Variants in SPTB observed in about 807,000 individuals in gnomAD.
SPTB encodes spectrin beta, erythrocytic.
A neutral mutation model predicts 256.2 loss-of-function variants in SPTB; 45 were observed. The ratio of observed to expected loss-of-function variants is 0.18; its 90% CI spans 0.14 to 0.23. SPTB has a LOEUF of 0.23. SPTB is among the 10% of genes least tolerant of loss of function. The pLI, the probability that SPTB is intolerant of heterozygous loss-of-function variation, is 1.00. For missense variants in SPTB, 2,715 were observed against 3,040.4 expected, an observed-to-expected ratio of 0.89 and a Z score of 2.52; for synonymous variants, 1,231 against 1,243.1, an observed-to-expected ratio of 0.99 and a Z score of 0.21.
chr14:64,763,037 T>C (rs2139459211), intron 32 of SPTB, among the ~76,000 whole-genome samples: 1 of 152,348 alleles, frequency 6.6e-6, no homozygotes, highest in African/African-American at 2.4e-5. Context: ...GACAGGAAGA[T>C]GCGCAGGGCT....
At chr14:64,869,271 G>C (rs770068678) in intron 1 of SPTB, among the ~76,000 whole-genome samples, 43 of 152,110 alleles carry the variant, frequency 2.8e-4, no homozygotes, top group Admixed American at 7.2e-4. Context: ...AATAAATGTT[G>C]ACTTACTGTT....
chr14:64,802,200 G>A lies in SPTB; in HGVS notation c.566+26C>T. ...GGAGCAAGGGGCTGGTGGTGGATGT[G>A]CTAACAGCTGGTTCCCAGGGCATAC... On this transcript the variant is annotated intron_variant, in intron 5 of 35. Coordinates refer to ENST00000644917, the MANE Select transcript of SPTB (RefSeq NM_001355436.2). This position sits in a 1 kb window ranked among gnomAD's most constrained non-coding sequence, Gnocchi z 5.1. The A allele has an allele frequency of 6.2e-7, 1 of 1,609,056 alleles. No homozygotes were observed. Among genetic ancestry groups the A allele is most frequent in the African/African-American group, 1.3e-5 (1 of 74,988 alleles).
At chr14:64,832,884 A>G (rs2083469225) in intron 1 of SPTB, among the ~76,000 whole-genome samples, 1 of 152,116 alleles carries the variant, frequency 6.6e-6, no homozygotes, top group African/African-American at 2.4e-5. Context: ...CTTTGTATCT[A>G]TATTTGCTCT....
Position 64,825,954 on chromosome 14 carries a change from T to C in SPTB, c.-51-2809A>G, listed in dbSNP as rs1400653121. On this transcript the variant is annotated intron_variant, in intron 1 of 35. Transcript: ENST00000644917. This position sits in a 1 kb window ranked among gnomAD's most constrained non-coding sequence, Gnocchi z 4.8. Reference sequence around the variant, plus strand: ...AGGAATGGGAAGAGATGTATATGTGTGTCTAAATATACAGCTGGAGGGTTT... The same window carrying C: ...AGGAATGGGAAGAGATGTATATGTGCGTCTAAATATACAGCTGGAGGGTTT... 6.6e-6 allele frequency among the ~76,000 whole-genome samples: 1 copy of C among 152,258 alleles called. No homozygotes were observed. Among genetic ancestry groups the C allele is most frequent in the African/African-American group, 2.4e-5 (1 of 41,466 alleles).
rs186159576 is a variant in SPTB at position 64,873,694 on chromosome 14, G to A, written c.-52+6098C>T. ...TCTGCTGAAGAAAAAAAGCAACCGC[G>A]GTCTCAACCAGAAGGCCCAGAATAT... On this transcript the variant is annotated intron_variant, in intron 1 of 35. Coordinates refer to ENST00000644917, the MANE Select transcript of SPTB (RefSeq NM_001355436.2). The surrounding 1 kb of genome is among the most constrained non-coding windows in gnomAD (Gnocchi z 4.3). Among the ~76,000 whole-genome samples the A allele has an allele frequency of 6.6e-5, 10 of 152,132 alleles. No individual in the cohort carries two copies. The highest frequency in any genetic ancestry group is 1.0e-4 in the Non-Finnish European group (7 of 68,002).
At chr14:64,771,562 G>T (rs758026436) in intron 26 of SPTB, among the ~76,000 whole-genome samples, 3 of 152,132 alleles carry the variant, frequency 2.0e-5, no homozygotes, top group Non-Finnish European at 4.4e-5. Flanking sequence ...CTTCACACTA[G>T]TAAAGGGGTA....
In SPTB at chr14:64,785,439, T is replaced by G; in HGVS notation, c.3855+98A>C. The G allele has an allele frequency of 1.6e-4, 174 of 1,107,660 alleles. No homozygotes were observed. The highest frequency in any genetic ancestry group is 2.0e-4 in the Non-Finnish European group (153 of 746,690). 68.6% of individuals were successfully genotyped at this position (1,107,660 alleles called of 1,614,324 possible). A position where few individuals can be genotyped will look rare whatever the true frequency, so the allele number is the denominator to read the frequency against. On this transcript the variant is annotated intron_variant, in intron 18 of 35. Transcript: ENST00000644917. This position sits in a 1 kb window ranked among gnomAD's most constrained non-coding sequence, Gnocchi z 4.4. Reference sequence around the variant, plus strand: ...CCCGCTCATGGAATCCCACAGCTCTTGAGCTAGAAAGGATCCCTGTGGACT... The same window carrying G: ...CCCGCTCATGGAATCCCACAGCTCTGGAGCTAGAAAGGATCCCTGTGGACT...
chr14:64,779,987 A>G lies in SPTB; in HGVS notation c.4267-56T>C. On this transcript the variant is annotated intron_variant, in intron 20 of 35. Transcript: ENST00000644917. This position sits in a 1 kb window ranked among gnomAD's most constrained non-coding sequence, Gnocchi z 4.2. ...GCCTTGGCACCTGCACAGCCCCTCC[A>G]TCTTCTTCATTCATCTGCATCCCAC... 1 of 1,454,968 alleles carries G rather than the reference A, an allele frequency of 6.9e-7. No homozygotes were observed. Among genetic ancestry groups the G allele is most frequent in the Non-Finnish European group, 9.7e-7 (1 of 1,036,228 alleles). 90.1% of individuals were successfully genotyped at this position (1,454,968 alleles called of 1,614,324 possible).
Position 64,823,179 on chromosome 14 carries a change from C to T in SPTB, c.-51-34G>A. 6.5e-7 allele frequency: 1 copy of T among 1,539,230 alleles called. No individual in the cohort carries two copies. The highest frequency in any genetic ancestry group is 1.7e-5 in the Admixed American group (1 of 59,680). Reference sequence around the variant, plus strand: ...CAGCAACACAGTCAGAGGGTTATCTCTCTACCCCCTCGGACTTTTTCTCCG... The same window carrying T: ...CAGCAACACAGTCAGAGGGTTATCTTTCTACCCCCTCGGACTTTTTCTCCG... On this transcript the variant is annotated intron_variant, in intron 1 of 35. Transcript: ENST00000644917. This position sits in a 1 kb window ranked among gnomAD's most constrained non-coding sequence, Gnocchi z 6.5.
rs1161170777 is a variant in SPTB, at chr14:64,759,373, C to A, written c.6346-5580G>T. ...CTTTCTAGGCCAGATCCATCAAGGA[C>A]CTCCCAGCTCACCAGCTGAACCATC... On this transcript the variant is annotated intron_variant, in intron 32 of 35. Transcript: ENST00000644917. This position sits in a 1 kb window ranked among gnomAD's most constrained non-coding sequence, Gnocchi z 4.8. 6.6e-6 allele frequency among the ~76,000 whole-genome samples: 1 copy of A among 152,226 alleles called. No individual in the cohort carries two copies. Among genetic ancestry groups the A allele is most frequent in the East Asian group, 1.9e-4 (1 of 5,202 alleles).
chr14:64,854,274 CTT>C (rs1206368948), intron 1 of SPTB, among the ~76,000 whole-genome samples: 1 of 73,262 alleles, frequency 1.4e-5, no homozygotes, highest in Non-Finnish European at 2.4e-5. Context: ...TTTCCAAACT[CTT>C]TTTTTTTTTT....
chr14:64,828,384 T>C (rs775719167), intron 1 of SPTB, among the ~76,000 whole-genome samples: 4 of 152,150 alleles, frequency 2.6e-5, no homozygotes, highest in South Asian at 2.1e-4. Context: ...AGCTCTGATG[T>C]AGGGACTGGC....
At chr14:64,870,444 CATA>C (rs1882461954) in intron 1 of SPTB, among the ~76,000 whole-genome samples, 1 of 152,180 alleles carries the variant, frequency 6.6e-6, no homozygotes, top group African/African-American at 2.4e-5. Flanking sequence ...TAAAACATCG[CATA>C]ATATTTACAC....
In SPTB at chr14:64,749,310, T is replaced by C. The variant is rs776370834; in HGVS notation, c.6983A>G (p.Lys2328Arg). 1.2e-5 allele frequency: 19 copies of C among 1,601,988 alleles called. No individual in the cohort carries two copies. The highest frequency in any genetic ancestry group is 1.5e-5 in the Non-Finnish European group (18 of 1,175,966). The change falls in exon 36 of 36, where the codon AAG becomes AGG. Residue 2328 changes from lysine to arginine, a missense_variant. Around this residue, in one of 4 missense-constraint regions of SPTB, gnomAD observed 2,239 missense variants for 2,384.4 expected, o/e 0.94. Coordinates refer to ENST00000644917, the MANE Select transcript of SPTB (RefSeq NM_001355436.2). This position sits in a 1 kb window ranked among gnomAD's most constrained non-coding sequence, Gnocchi z 4.7. The stretch of plus-strand genomic sequence containing the variant: ...CGCGCCCGCCAGCCCCACCTGCTAC[T>C]TCTTTTTGGGGAAGAAGCTGAATCT... ...EKRFSFFPKK[K>R] is the part of the protein sequence containing the mutation.
rs1233992511 is a variant in SPTB, at chr14:64,816,076, T to C, written c.148+6871A>G. The stretch of plus-strand genomic sequence containing the variant: ...TCTCCCTACAGAGGGTGATCCTTAG[T>C]AGTCAGAGCGAGCCCTAAAAACCCA... On this transcript the variant is annotated intron_variant, in intron 2 of 35. Coordinates refer to ENST00000644917, the MANE Select transcript of SPTB (RefSeq NM_001355436.2). The surrounding 1 kb of genome is among the most constrained non-coding windows in gnomAD (Gnocchi z 4.2). 6.6e-6 allele frequency among the ~76,000 whole-genome samples: 1 copy of C among 152,166 alleles called. No homozygotes were observed. Among genetic ancestry groups the C allele is most frequent in the Admixed American group, 6.5e-5 (1 of 15,278 alleles).
chr14:64,787,231 C>T, intron 15 of SPTB, 71 bp from the exon 16 acceptor site: 1 of 1,578,862 alleles, frequency 6.3e-7, no homozygotes, highest in Admixed American at 1.7e-5. Context: ...ATAGGAGACC[C>T]TGACCCCTTC....
chr14:64,778,186 G>T lies in SPTB; in HGVS notation c.4563+971C>A, dbSNP rs1313024698. On this transcript the variant is annotated intron_variant, in intron 22 of 35. Coordinates refer to ENST00000644917, the MANE Select transcript of SPTB (RefSeq NM_001355436.2). This position sits in a 1 kb window ranked among gnomAD's most constrained non-coding sequence, Gnocchi z 5.2. ...GTCAACCAGAAGCAAAGGGCCTAAG[G>T]CAGCTTTGAAGAAACTTCTCTGAAT... Among the ~76,000 whole-genome samples, 2 of 152,182 alleles carry T rather than the reference G, an allele frequency of 1.3e-5. No individual in the cohort carries two copies. Among genetic ancestry groups the T allele is most frequent in the African/African-American group, 2.4e-5 (1 of 41,438 alleles).
chr14:64,777,157 A>G lies in SPTB; in HGVS notation c.4564-1754T>C, dbSNP rs2082373676. ...TGACGGGAGGGAGGCAACCACACAG[A>G]GATCTGGGGTTGAGTGTTCCTGGCA... On this transcript the variant is annotated intron_variant, in intron 22 of 35. Transcript: ENST00000644917. This position sits in a 1 kb window ranked among gnomAD's most constrained non-coding sequence, Gnocchi z 4.5. 6.6e-6 allele frequency among the ~76,000 whole-genome samples: 1 copy of G among 152,188 alleles called. No homozygotes were observed. Among genetic ancestry groups the G allele is most frequent in the African/African-American group, 2.4e-5 (1 of 41,448 alleles).
intron 1 of SPTB, among the ~76,000 whole-genome samples, chr14:64,868,718 GTGGAGAAGT>G (rs1243079820): frequency 6.6e-6 from 1 of 152,220 alleles, no homozygotes; most frequent in Non-Finnish European, 1.5e-5. Context: ...GTCAAATGTT[GTGGAGAAGT>G]TGGAAACCTC....
Sources: allele counts gnomAD v4.1 joint callset (sites outside exome capture counted in the v4.1 genomes callset), GRCh38; gene constraint gnomAD v4.1.1; regional missense constraint gnomAD v4.1.1; non-coding constraint Gnocchi (gnomAD v3.1); transcripts MANE v1.5; gene names NCBI Gene and HGNC (gene_info 2026-07-23, HGNC 2026-07-21).